The following TAF1 variants were observed in gnomAD, a reference collection of about 807,000 sequenced individuals.
TAF1 encodes transcription initiation factor TFIID subunit 1.
TAF1 carries 2 observed loss-of-function variants against 138.5 expected under a neutral mutation model. The observed-to-expected ratio is 0.01, with a 90% CI of 0.01 to 0.05. The LOEUF (loss-of-function observed/expected upper bound fraction) is 0.05, where lower values mean the gene tolerates loss of function less well. TAF1 is among the 10% of genes least tolerant of loss of function. The pLI, the probability that TAF1 is intolerant of heterozygous loss-of-function variation, is 1.00. For synonymous variants in TAF1, 437 were observed against 503.2 expected, an observed-to-expected ratio of 0.87 and a Z score of 1.76; for missense variants, 709 against 1,478.0, an observed-to-expected ratio of 0.48 and a Z score of 8.53.
intron 13 of TAF1, among the ~76,000 whole-genome samples, chrX:71,506,341 G>T (rs950926890): frequency 9.8e-6 from 1 of 101,531 alleles, no homozygotes; most frequent in Non-Finnish European, 2.0e-5. Flanking sequence ...CAATGTTAGC[G>T]CCACTGCACT....
At chrX:71,434,654 G>A (rs748086164) in intron 32 of TAF1, among the ~76,000 whole-genome samples, 2 of 112,203 alleles carry the variant, frequency 1.8e-5, no homozygotes, top group Non-Finnish European at 1.9e-5. Context: ...AGTGATGACA[G>A]TGGACTGTAC....
At chrX:71,447,713 T>C (rs1463590526) in intron 32 of TAF1, among the ~76,000 whole-genome samples, 4 of 104,490 alleles carry the variant, frequency 3.8e-5, no homozygotes, top group Non-Finnish European at 7.8e-5. Flanking sequence ...AAAAAAAAAA[T>C]AGCAATAATG....
At chrX:71,491,043 G>GTTTTTTTTTTTTTT (rs1187463669) in intron 13 of TAF1, 1 of 45,722 alleles carries the variant, frequency 2.2e-5, no homozygotes, top group Non-Finnish European at 4.1e-5. Flanking sequence ...TGTTGTTGTT[G>GTTTTTTTTTTTTTT]TTTTTTTTTT....
chrX:71,495,278 G>A (rs2039375424), intron 13 of TAF1, among the ~76,000 whole-genome samples: 1 of 111,698 alleles, frequency 9.0e-6, no homozygotes. Flanking sequence ...AACTCATTTG[G>A]GATTCCATTT....
downstream of TAF1, among the ~76,000 whole-genome samples, chrX:71,467,712 A>G (rs2038794372): frequency 8.9e-6 from 1 of 111,913 alleles, no homozygotes; most frequent in Non-Finnish European, 1.9e-5. Flanking sequence ...GGTAGGTGGT[A>G]GTATGCCTAT....
At chrX:71,383,425 A>C (rs1390722862) in intron 12 of TAF1, among the ~76,000 whole-genome samples, 1 of 112,387 alleles carries the variant, frequency 8.9e-6, no homozygotes, top group Non-Finnish European at 1.9e-5. Context: ...AAAAATGGCG[A>C]AATATAAACA....
downstream of TAF1, among the ~76,000 whole-genome samples, chrX:71,470,159 T>C (rs1602784106): frequency 8.9e-6 from 1 of 111,757 alleles, no homozygotes; most frequent in African/African-American, 3.2e-5. Flanking sequence ...ACTGTGGGAT[T>C]ACAGGTTTAT....
chrX:71,464,725 A>G lies in TAF1; in HGVS notation c.*679A>G, dbSNP rs2038691965. ...AGTCTCAAAAAAAAAAAAATTTCCA[A>G]GCATGGTATCATCTCACTTTTCTAA... On this transcript the variant is annotated 3_prime_UTR_variant, in exon 38 of 38. Coordinates refer to ENST00000423759, the MANE Select transcript of TAF1 (RefSeq NM_004606.5). 1.7e-5 allele frequency: 2 copies of G among 115,240 alleles called. No homozygotes were observed. Among genetic ancestry groups the G allele is most frequent in the African/African-American group, 3.3e-5 (1 of 30,682 alleles). The allele number at this position is 115,240 out of a possible 1,213,427, so 9.5% of individuals were successfully genotyped here.
chrX:71,463,423 C>T (rs1464754328), intron 37 of TAF1, among the ~76,000 whole-genome samples: 5 of 110,123 alleles, frequency 4.5e-5, no homozygotes, highest in Non-Finnish European at 1.9e-5. Flanking sequence ...CCAGAGATAA[C>T]AAAGGACTAA....
rs2038726046 is a variant in TAF1, at chrX:71,465,568, G to T, written c.*1522G>T. The T allele has an allele frequency of 8.9e-6, 1 of 111,952 alleles. No individual in the cohort carries two copies. Among genetic ancestry groups the T allele is most frequent in the South Asian group, 3.7e-4 (1 of 2,698 alleles). The allele number at this position is 111,952 out of a possible 1,213,427, so 9.2% of individuals were successfully genotyped here. On this transcript the variant is annotated 3_prime_UTR_variant, in exon 38 of 38. Coordinates refer to ENST00000423759, the MANE Select transcript of TAF1 (RefSeq NM_004606.5). ...ATTCCAGTCCTTTAATGCTGGAAGGGCTGAGATGAGACTGAAAGATGGGCA... is the reference window on the plus strand; with the variant it reads ...ATTCCAGTCCTTTAATGCTGGAAGGTCTGAGATGAGACTGAAAGATGGGCA...
chrX:71,368,497 C>G (rs2032741570), intron 3 of TAF1, among the ~76,000 whole-genome samples: 1 of 111,139 alleles, frequency 9.0e-6, no homozygotes, highest in Admixed American at 9.7e-5. Context: ...AACTATGAAA[C>G]AAATTCAGTT....
intron 22 of TAF1, 75 bp downstream of exon 22, chrX:71,394,320 A>G: frequency 9.3e-7 from 1 of 1,069,982 alleles, no homozygotes. Flanking sequence ...GCAGACTGTA[A>G]TTGAGGGAGA....
At chrX:71,399,696 C>T (rs1482086092) in intron 24 of TAF1, among the ~76,000 whole-genome samples, 1 of 108,654 alleles carries the variant, frequency 9.2e-6, no homozygotes, top group African/African-American at 3.4e-5. Context: ...CTCAGCCTCC[C>T]AAGTAGCTGT....
chrX:71,367,258 C>T (rs1266978654), intron 1 of TAF1, among the ~76,000 whole-genome samples: 2 of 108,515 alleles, frequency 1.8e-5, no homozygotes, highest in African/African-American at 7.3e-5. Flanking sequence ...TTCGTCTTCT[C>T]TTGTAGTATA....
At chrX:71,429,441 T>C (rs951699539) in intron 32 of TAF1, among the ~76,000 whole-genome samples, 14 of 111,079 alleles carry the variant, frequency 1.3e-4, no homozygotes, top group African/African-American at 4.6e-4. Flanking sequence ...ATAGCACAAA[T>C]GCAAAAGTAG....
At chrX:71,453,425 G>T (rs1202679939) in intron 32 of TAF1, among the ~76,000 whole-genome samples, 4 of 87,692 alleles carry the variant, frequency 4.6e-5, no homozygotes, top group Non-Finnish European at 8.6e-5. Context: ...AGAAAAATGG[G>T]CATGGTGGTG....
At chrX:71,492,077 C>T (rs1429550459) in intron 13 of TAF1, 1 of 113,347 alleles carries the variant, frequency 8.8e-6, no homozygotes, top group African/African-American at 3.2e-5. Context: ...GACGCATGTC[C>T]CCAAACTACC....
chrX:71,510,964 G>A (rs371791048), intron 13 of TAF1, among the ~76,000 whole-genome samples: 8 of 111,220 alleles, frequency 7.2e-5, no homozygotes, highest in Admixed American at 3.8e-4. Context: ...TTAGCCGGGC[G>A]TGGTGGCGCA....
chrX:71,379,109 T>A, intron 8 of TAF1, 78 bp downstream of exon 8: 3 of 770,227 alleles, frequency 3.9e-6, no homozygotes, highest in Non-Finnish European at 5.3e-6. Flanking sequence ...GCTGTGATTT[T>A]TTTTTTTTTT....
Sources: gnomAD v4.1 joint callset for allele counts (sites outside exome capture counted in the v4.1 genomes callset) on GRCh38, gnomAD v4.1.1 for gene constraint, MANE v1.5 for transcripts, NCBI Gene and HGNC (gene_info 2026-07-23, HGNC 2026-07-21) for gene names.